NSMCE2: variants seen among roughly 807,000 people sequenced by gnomAD.
NSMCE2 encodes NSE2 SUMO ligase component of SMC5/6 complex, also known as E3 SUMO-protein ligase NSE2.
In NSMCE2, 24 loss-of-function variants were observed where a neutral mutation model predicts 23.8. That is an observed-to-expected ratio of 1.01 (90% confidence interval 0.73 to 1.42). The LOEUF is 1.42. Among genes scored for constraint, NSMCE2 ranks in the 40% most tolerant of loss-of-function variants. The pLI, the probability that NSMCE2 is intolerant of heterozygous loss-of-function variation, is 0.00. For synonymous variants in NSMCE2, 92 were observed against 94.1 expected (o/e 0.98, Z 0.13); for missense variants, 284 against 296.5 (o/e 0.96, Z 0.31).
At chr8:125,229,130 T>C (rs1045728330) in intron 5 of NSMCE2, among the ~76,000 whole-genome samples, 1 of 151,972 alleles carries the variant, frequency 6.6e-6, no homozygotes, top group African/African-American at 2.4e-5. Flanking sequence ...CAGAAAAAAA[T>C]GTTGCAGGAA....
intron 3 of NSMCE2, among the ~76,000 whole-genome samples, chr8:125,106,908 A>C (rs1178826887): frequency 6.6e-6 from 1 of 151,380 alleles, no homozygotes; most frequent in Admixed American, 6.6e-5. Flanking sequence ...AGGCAGGAGA[A>C]TCGCTTGAAC....
chr8:125,291,811 C>A (rs978681252), intron 5 of NSMCE2, among the ~76,000 whole-genome samples: 7 of 152,164 alleles, frequency 4.6e-5, no homozygotes, highest in African/African-American at 1.7e-4. Flanking sequence ...TAGCTTTATT[C>A]ATTAGAGTAA....
chr8:125,313,229 GAAGAAAGA>G (rs58458829), intron 5 of NSMCE2, among the ~76,000 whole-genome samples: 1 of 150,238 alleles, frequency 6.7e-6, no homozygotes, highest in African/African-American at 2.4e-5. Flanking sequence ...GAAAGAAAAA[GAAGAAAGA>G]AAGAAAGAAA....
At chr8:125,240,245 C>T (rs1024944877) in intron 5 of NSMCE2, among the ~76,000 whole-genome samples, 3 of 152,090 alleles carry the variant, frequency 2.0e-5, no homozygotes, top group East Asian at 1.9e-4. Context: ...CTGCCTCAGC[C>T]TCCCGAGTAG....
chr8:125,222,639 C>T (rs1020159333), intron 5 of NSMCE2, among the ~76,000 whole-genome samples: 12 of 152,154 alleles, frequency 7.9e-5, no homozygotes, highest in Admixed American at 5.9e-4. Context: ...ATGTGCCTGG[C>T]TTATTTCACC....
intron 5 of NSMCE2, among the ~76,000 whole-genome samples, chr8:125,228,372 G>C (rs1485061040): frequency 6.6e-6 from 1 of 152,128 alleles, no homozygotes; most frequent in Non-Finnish European, 1.5e-5. Context: ...CTGCCTTCTA[G>C]AAGCTTACAA....
intron 4 of NSMCE2, among the ~76,000 whole-genome samples, chr8:125,153,719 T>C (rs1821164469): frequency 6.6e-6 from 1 of 152,200 alleles, no homozygotes; most frequent in Admixed American, 6.5e-5. Context: ...ATTCCTGCCC[T>C]GTGTATTTCA....
intron 5 of NSMCE2, among the ~76,000 whole-genome samples, chr8:125,313,196 GAGAGAGAA>G (rs909429838): frequency 1.4e-5 from 2 of 140,146 alleles, no homozygotes; most frequent in African/African-American, 2.7e-5. Context: ...GAAAGAAAGA[GAGAGAGAA>G]AGAAAGAAAG....
rs1390805354 is a variant in NSMCE2, at chr8:125,359,622, C to T, written c.626+1804C>T. On this transcript the variant is annotated intron_variant, in intron 7 of 7. Transcript: ENST00000287437. ...TGTTGGGATTACAGGCATGAGCCAT[C>T]GCGCCCAGCCATGGCATGCTTTCAT... 2.6e-5 allele frequency among the ~76,000 whole-genome samples: 4 copies of T among 152,142 alleles called. No individual in the cohort carries two copies. The South Asian group carries it at 8.3e-4, about 32-fold the overall frequency.
intron 1 of NSMCE2, among the ~76,000 whole-genome samples, chr8:125,093,708 G>A (rs1365167077): frequency 6.6e-6 from 1 of 152,080 alleles, no homozygotes; most frequent in African/African-American, 2.4e-5. Flanking sequence ...GGGCGACAGA[G>A]CGAAACTCTG....
chr8:125,120,335 A>G (rs1196405505), intron 3 of NSMCE2, among the ~76,000 whole-genome samples: 1 of 152,244 alleles, frequency 6.6e-6, no homozygotes, highest in East Asian at 1.9e-4. Context: ...AAATCAAACC[A>G]GTCGGTAAAA....
Position 125,357,269 on chromosome 8 carries a change from G to A in NSMCE2, c.469G>A (p.Asp157Asn). The A allele has an allele frequency of 6.2e-7, 1 of 1,613,954 alleles. No homozygotes were observed. The highest frequency in any genetic ancestry group is 8.5e-7 in the Non-Finnish European group (1 of 1,179,816). The change falls in exon 6 of 8, where the codon GAT (aspartate) becomes AAT (asparagine). Residue 157 changes from aspartate to asparagine, a missense_variant. Asp to Asn is a conservative substitution (Grantham distance 23, BLOSUM62 1). This residue lies in a region of NSMCE2 where 102 missense variants were observed against 141.0 expected (regional missense o/e 0.72). Transcript: ENST00000287437. ...TGACGGAACAGAAGGAGTGGATGAA[G>A]ATATAATTGTGACCCAAAGTCAGAC... ...EADGTEGVDE[D>N]IIVTQSQTNF...
chr8:125,184,274 C>A (rs1822967798), intron 5 of NSMCE2, among the ~76,000 whole-genome samples: 1 of 152,082 alleles, frequency 6.6e-6, no homozygotes, highest in Non-Finnish European at 1.5e-5. Flanking sequence ...TAGAATCATA[C>A]TCATGGAGAA....
intron 5 of NSMCE2, among the ~76,000 whole-genome samples, chr8:125,353,759 T>C (rs942483966): frequency 2.0e-5 from 3 of 151,568 alleles, no homozygotes; most frequent in Admixed American, 6.6e-5. Flanking sequence ...GGTGGACGCC[T>C]GTAGTCCCAG....
rs1249729117 is a variant in NSMCE2, at chr8:125,254,598, A to T, written c.418+72342A>T. ...TCTTTGCTTTTTCTTTTATCTGTTT[A>T]CCTCAGATTTTTTTTTTTTAATAAA... On this transcript the variant is annotated intron_variant, in intron 5 of 7. Transcript: ENST00000287437. Among the ~76,000 whole-genome samples the T allele has an allele frequency of 3.4e-5, 5 of 146,068 alleles. No individual in the cohort carries two copies. In the East Asian group the frequency reaches 1.0e-3, roughly 30 times the overall value.
intron 3 of NSMCE2, among the ~76,000 whole-genome samples, chr8:125,133,662 T>G (rs1403902272): frequency 6.6e-6 from 1 of 151,830 alleles, no homozygotes; most frequent in African/African-American, 2.4e-5. Context: ...GAGAATTGCT[T>G]GAACCTGGGA....
At chr8:125,244,851 G>C in intron 5 of NSMCE2, among the ~76,000 whole-genome samples, 1 of 152,064 alleles carries the variant, frequency 6.6e-6, no homozygotes, top group East Asian at 1.9e-4. Flanking sequence ...CACAAAAAAA[G>C]ATATAGAGGA....
chr8:125,103,661 A>AT (rs1378065550), intron 3 of NSMCE2, among the ~76,000 whole-genome samples: 1 of 151,986 alleles, frequency 6.6e-6, no homozygotes, highest in East Asian at 1.9e-4. Flanking sequence ...AACTTGATAG[A>AT]TTTTTTCCAG....
Position 125,272,776 on chromosome 8 carries a change from CGTATATATATACACATGT to C in NSMCE2, c.419-84427_419-84410del, listed in dbSNP as rs1480414467. ...ACACGTATATATATATACACACACACGTATATATATACACATGTGTATATATATACACACACGTATATA... is the reference window on the plus strand; with the variant it reads ...ACACGTATATATATATACACACACACGTATATATATACACACACGTATATA... On this transcript the variant is annotated intron_variant, in intron 5 of 7. Transcript: ENST00000287437. Among the ~76,000 whole-genome samples the C allele has an allele frequency of 2.9e-3, 407 of 140,664 alleles. 14 individuals are homozygous for C. Among genetic ancestry groups the C allele is most frequent in the Admixed American group, 0.026 (367 of 14,220 alleles). The allele number at this position is 140,664 out of a possible 152,430, so 92.3% of individuals were successfully genotyped here.
Sources: allele counts gnomAD v4.1 joint callset (sites outside exome capture counted in the v4.1 genomes callset), GRCh38; gene constraint gnomAD v4.1.1; regional missense constraint gnomAD v4.1.1; transcripts MANE v1.5; gene names NCBI Gene and HGNC (gene_info 2026-07-23, HGNC 2026-07-21).